AAMDC: variants seen among roughly 807,000 people sequenced by gnomAD.
AAMDC encodes adipogenesis associated Mth938 domain containing, also known as mth938 domain-containing protein.
Under a neutral mutation model 15.5 loss-of-function variants are expected in AAMDC, and 16 were observed. That is an observed-to-expected ratio of 1.03 (90% CI 0.70 to 1.57). The LOEUF is 1.57. AAMDC is among the 40% of genes most tolerant of loss of function. The pLI is 0.00. For missense variants in AAMDC, 141 were observed against 144.9 expected, an observed-to-expected ratio of 0.97 and a Z score of 0.14; for synonymous variants, 51 against 51.6, an observed-to-expected ratio of 0.99 and a Z score of 0.05.
At chr11:77,854,243 C>T (rs925907028) in intron 2 of AAMDC, among the ~76,000 whole-genome samples, 5 of 152,110 alleles carry the variant, frequency 3.3e-5, no homozygotes, top group Non-Finnish European at 7.4e-5. Flanking sequence ...CCACCCGTCT[C>T]AGCCTCCCAA....
chr11:77,880,952 C>CA (rs986612077), intron 5 of AAMDC, among the ~76,000 whole-genome samples: 113 of 151,854 alleles, frequency 7.4e-4, no homozygotes, highest in African/African-American at 2.6e-3. Flanking sequence ...AACAAAAAAA[C>CA]AAAAAAACAA....
intron 1 of AAMDC, among the ~76,000 whole-genome samples, chr11:77,837,107 GTTTT>G (rs1194679703): frequency 2.0e-5 from 3 of 152,150 alleles, no homozygotes; most frequent in Non-Finnish European, 4.4e-5. Flanking sequence ...CTTCTGTGTT[GTTTT>G]TTGTTTGAGT....
chr11:77,842,733 T>A, intron 2 of AAMDC, 105 bp downstream of exon 2: 1 of 1,477,120 alleles, frequency 6.8e-7, no homozygotes, highest in Non-Finnish European at 9.2e-7. Flanking sequence ...TGTGTCTTTT[T>A]GAGATATAAT....
chr11:77,883,188 A>G (rs1371793293), intron 5 of AAMDC, among the ~76,000 whole-genome samples: 1 of 152,184 alleles, frequency 6.6e-6, no homozygotes, highest in East Asian at 1.9e-4. Context: ...ATTTGGTGGC[A>G]TTAAACACCT....
chr11:77,843,978 G>A (rs1227800356), intron 2 of AAMDC, among the ~76,000 whole-genome samples: 2 of 152,198 alleles, frequency 1.3e-5, no homozygotes, highest in East Asian at 1.9e-4. Flanking sequence ...TCACTATCAC[G>A]AGAGCAGCAC....
At chr11:77,902,392 G>A (rs370066893), downstream of AAMDC, among the ~76,000 whole-genome samples, 658 of 152,024 alleles carry the variant, frequency 4.3e-3, 3 homozygotes, top group African/African-American at 0.015. Flanking sequence ...CTCAATTATC[G>A]GGTTCTAGTC....
chr11:77,885,357 G>A (rs889303043), intron 5 of AAMDC, among the ~76,000 whole-genome samples: 2 of 151,892 alleles, frequency 1.3e-5, no homozygotes, highest in Non-Finnish European at 2.9e-5. Context: ...GATTACAGGC[G>A]TGAGCCACCA....
chr11:77,895,982 T>C lies in AAMDC; in HGVS notation c.329-4589T>C, dbSNP rs868026984. 1.5e-3 allele frequency among the ~76,000 whole-genome samples: 235 copies of C among 152,270 alleles called. 1 individual carries two copies. The highest frequency in any genetic ancestry group is 4.6e-3 in the African/African-American group (190 of 41,556). The stretch of plus-strand genomic sequence containing the variant: ...CAATTTAAACTAGTCTAGACTTTCA[T>C]TGTAAGTAGGCAAAGACAATGGAAA... On this transcript the variant is annotated intron_variant, in intron 5 of 5. Transcript: ENST00000304716.
chr11:77,884,083 G>C, intron 5 of AAMDC: 2 of 876,388 alleles, frequency 2.3e-6, no homozygotes, highest in South Asian at 3.3e-5. Context: ...TTGAGCCTTG[G>C]GGGTAGGTCA....
chr11:77,897,080 A>G (rs1241433000), intron 5 of AAMDC, among the ~76,000 whole-genome samples: 1 of 152,016 alleles, frequency 6.6e-6, no homozygotes, highest in Non-Finnish European at 1.5e-5. Flanking sequence ...GGGTTGCCCA[A>G]TAAAATAAAT....
At chr11:77,887,524 C>T (rs554419130) in intron 5 of AAMDC, among the ~76,000 whole-genome samples, 8 of 152,174 alleles carry the variant, frequency 5.3e-5, no homozygotes, top group Non-Finnish European at 1.2e-4. Flanking sequence ...GACAGGGATG[C>T]CCTCTCTCAG....
At chr11:77,871,980 T>C (rs922853582) in intron 3 of AAMDC, among the ~76,000 whole-genome samples, 195 bp from the exon 4 acceptor site, 1 of 152,232 alleles carries the variant, frequency 6.6e-6, no homozygotes, top group African/African-American at 2.4e-5. Context: ...GCATGGGTAT[T>C]ATGATACCTC....
At chr11:77,846,164 AG>A (rs1295150844) in intron 2 of AAMDC, among the ~76,000 whole-genome samples, 1 of 152,048 alleles carries the variant, frequency 6.6e-6, no homozygotes, top group Non-Finnish European at 1.5e-5. Flanking sequence ...GTGGCTTCTG[AG>A]GTCTGCTAAT....
downstream of AAMDC, among the ~76,000 whole-genome samples, chr11:77,901,869 G>A (rs1335644974): frequency 3.3e-5 from 5 of 151,840 alleles, no homozygotes; most frequent in African/African-American, 1.2e-4. Context: ...CCACTCTGCT[G>A]TGGGAACAAA....
At chr11:77,870,329 ATTTTTTTTTTTTT>A (rs965312288) in intron 3 of AAMDC, among the ~76,000 whole-genome samples, 1 of 87,982 alleles carries the variant, frequency 1.1e-5, no homozygotes, top group Non-Finnish European at 2.2e-5. Context: ...CTATTTTTTA[ATTTTTTTTTTTTT>A]TTTTTTTTTT....
chr11:77,828,689 AAG>A (rs1445930695), intron 1 of AAMDC, among the ~76,000 whole-genome samples: 2 of 152,016 alleles, frequency 1.3e-5, no homozygotes, highest in African/African-American at 4.8e-5. Flanking sequence ...AAAAAAAAGA[AAG>A]AAAATTATAA....
intron 2 of AAMDC, among the ~76,000 whole-genome samples, chr11:77,858,503 C>T (rs906122848): frequency 6.6e-6 from 1 of 151,798 alleles, no homozygotes; most frequent in Non-Finnish European, 1.5e-5. Flanking sequence ...TCTTTGCTAC[C>T]TGATTGGTTG....
chr11:77,858,302 C>CTT lies in AAMDC; in HGVS notation c.133-11396_133-11395dup, dbSNP rs71473358. On this transcript the variant is annotated intron_variant, in intron 2 of 3. Transcript: ENST00000393427. ...CTCCACCTCCTGCGTTTAAGCAATT[C>CTT]TTTTTTTTTTTTTTTTTTTTTTTTT... 5.5e-3 allele frequency among the ~76,000 whole-genome samples: 378 copies of CTT among 69,356 alleles called. 6 individuals are homozygous for CTT. The highest frequency in any genetic ancestry group is 0.02 in the East Asian group (41 of 2,054). The allele number at this position is 69,356 out of a possible 152,430, so 45.5% of individuals were successfully genotyped here. A position where few individuals can be genotyped will look rare whatever the true frequency, so the allele number is the denominator to read the frequency against.
intron 5 of AAMDC, chr11:77,900,551 C>CT (rs111879239): frequency 0.066 from 33,847 of 511,440 alleles, 1 homozygote; most frequent in South Asian, 0.091. Context: ...CTCTATGGCA[C>CT]TTTTTTTTTT....
Sources: gnomAD v4.1 joint callset for allele counts (sites outside exome capture counted in the v4.1 genomes callset) on GRCh38, gnomAD v4.1.1 for gene constraint, MANE v1.5 for transcripts, NCBI Gene and HGNC (gene_info 2026-07-23, HGNC 2026-07-21) for gene names.